Variants in ANKRD26 observed in about 807,000 individuals in gnomAD.
ANKRD26 encodes the protein ankyrin repeat domain 26, also known as ankyrin repeat domain-containing protein 26.
In ANKRD26, 141 loss-of-function variants were observed where a neutral mutation model predicts 208.7. That is an observed-to-expected ratio of 0.68 (90% CI 0.59 to 0.78). The LOEUF (loss-of-function observed/expected upper bound fraction) is 0.78, where lower values mean the gene tolerates loss of function less well. ANKRD26 is among the 30% of genes least tolerant of loss of function. ANKRD26 has a pLI of 0.00. For missense variants in ANKRD26, 1,889 were observed against 1,938.7 expected, an observed-to-expected ratio of 0.97 and a Z score of 0.48; for synonymous variants, 636 against 660.4, an observed-to-expected ratio of 0.96 and a Z score of 0.57.
At chr10:26,974,163 A>G (rs1205054255) in exon 6 of ANKRD26, among the ~76,000 whole-genome samples, 1 of 151,936 alleles carries the variant, frequency 6.6e-6, no homozygotes, top group African/African-American at 2.4e-5. Flanking sequence ...CCTGAAAAAT[A>G]CTCACCACCC....
intron 16 of ANKRD26, 66 bp downstream of exon 16, chr10:27,053,254 A>C: frequency 8.9e-7 from 1 of 1,124,616 alleles, no homozygotes; most frequent in Non-Finnish European, 1.3e-6. Context: ...TTTCATTTGG[A>C]CTATGTTACA....
At position 27,035,083 on chromosome 10, in the gene ANKRD26, T is replaced by C. The variant is rs746125031; in HGVS notation, c.3367A>G (p.Asn1123Asp). The C allele has an allele frequency of 1.5e-5, 24 of 1,612,718 alleles. No individual in the cohort carries two copies. In the East Asian group the frequency reaches 5.1e-4, roughly 34 times the overall value. Residue 1123 changes from asparagine to aspartate, a missense_variant, in exon 24 of 34, where the codon AAT becomes GAT. Physicochemically the swap from Asn to Asp is conservative, Grantham distance 23. Transcript: ENST00000376087. Reference protein sequence around the residue: ...QKYQNEQVKVNKYIGKQESVE... With the variant: ...QKYQNEQVKVDKYIGKQESVE... ...GACTCCTGCTTTCCAATGTATTTAT[T>C]CACTTTAACTTGTTCATTTTGATAC...
In ANKRD26 at chr10:27,050,932, T is replaced by C. The variant is rs557133538; in HGVS notation, c.1636-1953A>G. ...TACTTAGATAGCAGAATAATATCTA[T>C]TTCTAAACACAATTACATATTTAGG... On this transcript the variant is annotated intron_variant, in intron 16 of 33. Transcript: ENST00000376087. The C allele has an allele frequency of 1.1e-5, 7 of 610,984 alleles. No individual in the cohort carries two copies. In the Admixed American group the frequency reaches 3.0e-4, roughly 27 times the overall value. The allele number at this position is 610,984 out of a possible 1,614,324, so 37.8% of individuals were successfully genotyped here.
intron 30 of ANKRD26, among the ~76,000 whole-genome samples, chr10:27,016,408 G>A (rs1289038907): frequency 6.6e-6 from 1 of 152,118 alleles, no homozygotes; most frequent in Non-Finnish European, 1.5e-5. Flanking sequence ...GAGTAACTGG[G>A]ACTACAGGCA....
In ANKRD26 at chr10:27,093,454, C is replaced by T. The variant is rs746957045; in HGVS notation, c.426G>A (p.Ala142=). The T allele has an allele frequency of 1.2e-5, 20 of 1,613,974 alleles. No individual in the cohort carries two copies. The highest frequency in any genetic ancestry group is 8.9e-5 in the East Asian group (4 of 44,894). The change falls in exon 3 of 34, where the codon GCG becomes GCA. Residue 142 remains alanine (A), a synonymous_variant. Coordinates refer to ENST00000376087, the MANE Select transcript of ANKRD26 (RefSeq NM_014915.3). The stretch of plus-strand genomic sequence containing the variant: ...GAAGAGCAGTGTTGCCATGGACATC[C>T]GCAAGATTTGGATCAGCACCATGTT... ...LLEHGADPNL[A]DVHGNTALHY...
intron 5 of ANKRD26, among the ~76,000 whole-genome samples, chr10:26,979,275 A>G (rs2052273409): frequency 6.6e-6 from 1 of 152,206 alleles, no homozygotes; most frequent in Admixed American, 6.5e-5. Flanking sequence ...CAAAGATGCT[A>G]TTCCTGGTGA....
At position 27,061,256 on chromosome 10, in the gene ANKRD26, CATA is replaced by C. The variant is rs150168938; in HGVS notation, c.1364-17_1364-15del. The C allele has an allele frequency of 5.1e-4, 771 of 1,507,722 alleles. 5 individuals are homozygous for C. The African/African-American group carries it at 8.5e-3, about 17-fold the overall frequency. 93.4% of individuals were successfully genotyped at this position (1,507,722 alleles called of 1,614,324 possible). A position where few individuals can be genotyped will look rare whatever the true frequency, so the allele number is the denominator to read the frequency against. On this transcript the variant is annotated splice_polypyrimidine_tract_variant and intron_variant, in intron 12 of 33. Transcript: ENST00000376087. ...TATAAAACACATCTAAGAAATAATA[CATA>C]ATAAGCTTTCAATATTGTAATATTT...
chr10:27,002,495 G>A (rs2134753717), downstream of ANKRD26, among the ~76,000 whole-genome samples: 1 of 152,280 alleles, frequency 6.6e-6, no homozygotes, highest in South Asian at 2.1e-4. Context: ...CATGGTCCCA[G>A]TTAGAGTGAG....
Position 27,040,153 on chromosome 10 carries a change from C to G in ANKRD26, c.2187G>C (p.Gln729His), listed in dbSNP as rs2054183235. The G allele has an allele frequency of 6.2e-7, 1 of 1,612,218 alleles. No individual in the cohort carries two copies. The highest frequency in any genetic ancestry group is 1.3e-5 in the African/African-American group (1 of 74,814). The change falls in exon 21 of 34, where the codon CAG becomes CAC. Residue 729 changes from glutamine (Q) to histidine (H), a missense_variant. Gln to His is a conservative substitution (Grantham distance 24). Transcript: ENST00000376087. Reference protein sequence around the residue: ...CKDSVSLLKIQDAALSCERLL... With the variant: ...CKDSVSLLKIHDAALSCERLL... ...ATCTTTCACATGAAAGAGCTGCATCCTGGATTTTCAATAGGCTAACAGAAT... is the reference window on the plus strand; with the variant it reads ...ATCTTTCACATGAAAGAGCTGCATCGTGGATTTTCAATAGGCTAACAGAAT...
chr10:27,039,075 T>A (rs2135233825), intron 21 of ANKRD26, among the ~76,000 whole-genome samples: 1 of 152,296 alleles, frequency 6.6e-6, no homozygotes, highest in Non-Finnish European at 1.5e-5. Flanking sequence ...TTTGAATGAA[T>A]TTTATCTGTG....
At chr10:27,053,286 T>C (rs779462707) in intron 16 of ANKRD26, 34 bp downstream of exon 16, 27 of 1,488,804 alleles carry the variant, frequency 1.8e-5, no homozygotes, top group Non-Finnish European at 2.4e-5. Context: ...AAGAAAACAA[T>C]ATTAAACCAG....
chr10:27,034,567 G>A, intron 24 of ANKRD26, among the ~76,000 whole-genome samples: 1 of 152,070 alleles, frequency 6.6e-6, no homozygotes, highest in East Asian at 1.9e-4. Context: ...ATTCATACTA[G>A]TCTATAACAA....
At chr10:27,082,031 C>T (rs1220599418) in intron 6 of ANKRD26, among the ~76,000 whole-genome samples, 2 of 143,848 alleles carry the variant, frequency 1.4e-5, no homozygotes, top group Admixed American at 7.3e-5. Flanking sequence ...CCACCACGCC[C>T]AGCCCTATGC....
chr10:27,053,855 T>A (rs1445988897), intron 15 of ANKRD26, among the ~76,000 whole-genome samples: 2 of 152,240 alleles, frequency 1.3e-5, no homozygotes, highest in African/African-American at 4.8e-5. Context: ...TAACATTGTA[T>A]AATGTTCTCT....
At chr10:27,075,825 TC>T (rs2055676565) in intron 9 of ANKRD26, among the ~76,000 whole-genome samples, 2 of 152,124 alleles carry the variant, frequency 1.3e-5, no homozygotes, top group Admixed American at 6.5e-5. Context: ...TATGGAACAT[TC>T]TCCAAGATAG....
intron 21 of ANKRD26, 106 bp from the exon 22 acceptor site, chr10:27,038,160 T>C (rs1310883093): frequency 1.1e-6 from 1 of 900,814 alleles, no homozygotes; most frequent in African/African-American, 1.7e-5. Flanking sequence ...ATACAATTTC[T>C]ATGTTCTTGA....
chr10:27,085,775 C>T (rs1315165162), intron 5 of ANKRD26, among the ~76,000 whole-genome samples: 6 of 152,120 alleles, frequency 3.9e-5, no homozygotes, highest in African/African-American at 1.2e-4. Context: ...ATCTCTGCCA[C>T]CCCAAGACAG....
chr10:27,086,684 G>T, intron 4 of ANKRD26, 75 bp from the exon 5 acceptor site: 1 of 1,464,106 alleles, frequency 6.8e-7, no homozygotes. Flanking sequence ...TCAAAATCTT[G>T]AGTATTTCAG....
intron 25 of ANKRD26, 141 bp downstream of exon 25, chr10:27,033,082 CAA>C (rs34308599): frequency 7.4e-3 from 2,494 of 339,226 alleles, no homozygotes; most frequent in Middle Eastern, 0.016. Flanking sequence ...GACTCCATCT[CAA>C]AAAAAAAAAA....
Sources: gnomAD v4.1 joint callset for allele counts (sites outside exome capture counted in the v4.1 genomes callset) on GRCh38, gnomAD v4.1.1 for gene constraint, MANE v1.5 for transcripts, NCBI Gene and HGNC (gene_info 2026-07-23, HGNC 2026-07-21) for gene names.